Variants in INPP4B observed in about 807,000 individuals in gnomAD.
The protein encoded by INPP4B is inositol polyphosphate 4-phosphatase type II.
INPP4B carries 55 observed loss-of-function variants against 122.5 expected under a neutral mutation model. The ratio of observed to expected loss-of-function variants is 0.45; its 90% CI spans 0.36 to 0.56. INPP4B has a LOEUF of 0.56. Among genes scored for constraint, INPP4B ranks in the 20% least tolerant of loss-of-function variants. The probability of loss-of-function intolerance (pLI) is 0.00; values close to 1 mark genes in which losing one functional copy is unlikely to be tolerated. For synonymous variants in INPP4B, 403 were observed against 388.7 expected (o/e 1.04, Z -0.43); for missense variants, 1,000 against 1,097.7 (o/e 0.91, Z 1.26).
intron 9 of INPP4B, among the ~76,000 whole-genome samples, chr4:142,275,346 G>T (rs1747874560): frequency 6.6e-6 from 1 of 151,766 alleles, no homozygotes; most frequent in Non-Finnish European, 1.5e-5. Context: ...ACCAAAAAAT[G>T]ACTCTGTAAA....
chr4:142,088,456 A>G (rs1221539926), intron 23 of INPP4B, among the ~76,000 whole-genome samples: 1 of 152,222 alleles, frequency 6.6e-6, no homozygotes. Flanking sequence ...GCTGAAAAGA[A>G]GAATTGGCCA....
At chr4:142,044,039 T>G (rs1262421628) in intron 25 of INPP4B, among the ~76,000 whole-genome samples, 1 of 152,138 alleles carries the variant, frequency 6.6e-6, no homozygotes, top group Non-Finnish European at 1.5e-5. Flanking sequence ...AAAACAGAAG[T>G]AATTTAAAAG....
At chr4:142,770,151 C>T (rs1282787884) in intron 1 of INPP4B, among the ~76,000 whole-genome samples, 3 of 152,112 alleles carry the variant, frequency 2.0e-5, no homozygotes, top group Non-Finnish European at 2.9e-5. Flanking sequence ...TTGCAGAATA[C>T]TGATAACAGT....
At chr4:142,626,118 C>A (rs1041353271) in intron 2 of INPP4B, among the ~76,000 whole-genome samples, 1 of 152,038 alleles carries the variant, frequency 6.6e-6, no homozygotes, top group Admixed American at 6.6e-5. Context: ...GCAACAGAAG[C>A]CAAAATTGAC....
chr4:142,534,750 C>T (rs1296758448), intron 2 of INPP4B, among the ~76,000 whole-genome samples: 1 of 151,346 alleles, frequency 6.6e-6, no homozygotes, highest in Non-Finnish European at 1.5e-5. Flanking sequence ...CATCAGATTT[C>T]AATTCATTAG....
intron 7 of INPP4B, among the ~76,000 whole-genome samples, chr4:142,346,421 A>T (rs1449992229): frequency 6.6e-6 from 1 of 152,068 alleles, no homozygotes; most frequent in African/African-American, 2.4e-5. Flanking sequence ...TTCAAATATG[A>T]AATAACAAGA....
At chr4:142,272,308 AC>A (rs1358643480) in intron 9 of INPP4B, among the ~76,000 whole-genome samples, 2 of 152,118 alleles carry the variant, frequency 1.3e-5, no homozygotes, top group Non-Finnish European at 2.9e-5. Flanking sequence ...TAGATAAGGT[AC>A]AAATTAAAAC....
At chr4:142,556,507 T>C (rs563456845) in intron 2 of INPP4B, among the ~76,000 whole-genome samples, 6 of 152,254 alleles carry the variant, frequency 3.9e-5, no homozygotes, top group Admixed American at 2.6e-4. Context: ...GTTTTGGGAA[T>C]AAAGGAGAAA....
intron 3 of INPP4B, among the ~76,000 whole-genome samples, chr4:142,435,466 G>A (rs770536892): frequency 1.4e-4 from 11 of 80,742 alleles, no homozygotes; most frequent in Admixed American, 7.9e-4. Context: ...AAAAGTACAG[G>A]AATTTATTTG....
intron 2 of INPP4B, among the ~76,000 whole-genome samples, chr4:142,685,070 A>G (rs1759153630): frequency 6.6e-6 from 1 of 152,102 alleles, no homozygotes; most frequent in Non-Finnish European, 1.5e-5. Context: ...TCCCTGATTC[A>G]GACTTAAGTA....
At position 142,431,343 on chromosome 4, in the gene INPP4B, T is replaced by C; in HGVS notation, c.-84A>G. 1 of 908,902 alleles carries C rather than the reference T, an allele frequency of 1.1e-6. No homozygotes were observed. Among genetic ancestry groups the C allele is most frequent in the South Asian group, 1.4e-5 (1 of 70,934 alleles). 56.3% of individuals were successfully genotyped at this position (908,902 alleles called of 1,614,324 possible). A position where few individuals can be genotyped will look rare whatever the true frequency, so the allele number is the denominator to read the frequency against. ...TGATTCCTGGTTTAATGTAGATGTA[T>C]CTTCACACTAAAGATCTGATATCCC... On this transcript the variant is annotated 5_prime_UTR_variant, in exon 4 of 26. Transcript: ENST00000262992.
At chr4:142,779,172 A>C (rs1774396572) in intron 1 of INPP4B, among the ~76,000 whole-genome samples, 1 of 152,060 alleles carries the variant, frequency 6.6e-6, no homozygotes. Flanking sequence ...TGGCATACTG[A>C]GATAAAACTC....
chr4:142,356,432 G>C (rs2148462543), intron 7 of INPP4B, among the ~76,000 whole-genome samples: 1 of 151,704 alleles, frequency 6.6e-6, no homozygotes, highest in Middle Eastern at 3.4e-3. Flanking sequence ...AAGGAAATGT[G>C]AGGAAAGCTT....
chr4:142,809,596 A>G (rs2151117608), intron 1 of INPP4B, among the ~76,000 whole-genome samples: 1 of 152,350 alleles, frequency 6.6e-6, no homozygotes, highest in Non-Finnish European at 1.5e-5. Flanking sequence ...TTCATTTACA[A>G]GCTAGTAATT....
intron 16 of INPP4B, among the ~76,000 whole-genome samples, chr4:142,166,219 A>T (rs6828602): frequency 0.094 from 14,266 of 151,618 alleles, 2,294 homozygotes; most frequent in African/African-American, 0.33. Context: ...GTTTATGATC[A>T]ATTTTGAGTT....
intron 18 of INPP4B, 57 bp downstream of exon 18, chr4:142,145,783 A>G: frequency 6.5e-7 from 1 of 1,530,628 alleles, no homozygotes; most frequent in South Asian, 1.2e-5. Flanking sequence ...TTTTTTTTTC[A>G]CGAGTTTCTC....
intron 2 of INPP4B, among the ~76,000 whole-genome samples, chr4:142,468,302 A>G (rs1818187658): frequency 2.0e-5 from 3 of 152,158 alleles, no homozygotes; most frequent in Admixed American, 6.5e-5. Context: ...AATAGCCTGA[A>G]TAACTCCAGG....
At chr4:142,302,652 CTTA>C (rs745695292) in intron 9 of INPP4B, among the ~76,000 whole-genome samples, 27 of 152,030 alleles carry the variant, frequency 1.8e-4, no homozygotes, top group Non-Finnish European at 3.5e-4. Context: ...TATTGTCATC[CTTA>C]TTATCATTCT....
chr4:142,121,919 C>G (rs1222573390), intron 21 of INPP4B, among the ~76,000 whole-genome samples: 3 of 152,046 alleles, frequency 2.0e-5, no homozygotes, highest in African/African-American at 7.2e-5. Context: ...ACTCAACTCA[C>G]TACAATTTAA....
Sources: allele counts gnomAD v4.1 joint callset (sites outside exome capture counted in the v4.1 genomes callset), GRCh38; gene constraint gnomAD v4.1.1; transcripts MANE v1.5; gene names NCBI Gene and HGNC (gene_info 2026-07-23, HGNC 2026-07-21).